Variants in PLXNB1 observed in about 807,000 individuals in gnomAD.
The protein encoded by PLXNB1 is plexin B1, also known as plexin-B1.
A neutral mutation model predicts 209.4 loss-of-function variants in PLXNB1; 106 were observed. The observed-to-expected ratio is 0.51, with a 90% CI of 0.43 to 0.59. PLXNB1 has a LOEUF of 0.59. Ranked by LOEUF, PLXNB1 falls within the 20% of genes least tolerant of loss-of-function variation. The probability of loss-of-function intolerance (pLI) is 0.00; values close to 1 mark genes in which losing one functional copy is unlikely to be tolerated. For synonymous variants in PLXNB1, 1,167 were observed against 1,183.2 expected (o/e 0.99, Z 0.28); for missense variants, 2,357 against 2,853.2 (o/e 0.83, Z 3.96).
rs2038121419 is a variant in PLXNB1, at chr3:48,416,639, GAATT to G, written c.3375-192_3375-189del. ...CACATCAGAAGGCCTTGGTATCTGA[GAATT>G]AATATTTGTGGCTTCAATCATTTAA... On this transcript the variant is annotated intron_variant, in intron 16 of 37. Coordinates refer to ENST00000296440, the MANE Select transcript of PLXNB1 (RefSeq NM_001130082.3). The surrounding 1 kb of genome is among the most constrained non-coding windows in gnomAD (Gnocchi z 4.1). 3 of 420,016 alleles carry G rather than the reference GAATT, an allele frequency of 7.1e-6. No homozygotes were observed. Among genetic ancestry groups the G allele is most frequent in the Non-Finnish European group, 8.4e-6 (2 of 239,218 alleles). 26.0% of individuals were successfully genotyped at this position (420,016 alleles called of 1,614,324 possible).
chr3:48,413,070 T>C lies in PLXNB1; in HGVS notation c.4635A>G (p.Thr1545=), dbSNP rs2037807688. The change falls in exon 24 of 38, where the codon ACA becomes ACG. Residue 1545 remains threonine, a splice_region_variant and synonymous_variant. Transcript: ENST00000296440. This position sits in a 1 kb window ranked among gnomAD's most constrained non-coding sequence, Gnocchi z 5.4. ...CGGGGCCCATTCTCTCAGCCACACCTGTGAATTCCTTCTTGCAGCGGTCCC... is the reference window on the plus strand; with the variant it reads ...CGGGGCCCATTCTCTCAGCCACACCCGTGAATTCCTTCTTGCAGCGGTCCC... ...SVRDRCKKEF[T]DLMTEMTDLT... is the part of the protein sequence containing the mutation. The C allele has an allele frequency of 1.2e-6, 2 of 1,613,334 alleles. No homozygotes were observed. Among genetic ancestry groups the C allele is most frequent in the Non-Finnish European group, 8.5e-7 (1 of 1,179,320 alleles).
At chr3:48,426,026 C>T (rs1001754384) in intron 1 of PLXNB1, among the ~76,000 whole-genome samples, 1 of 152,144 alleles carries the variant, frequency 6.6e-6, no homozygotes, top group African/African-American at 2.4e-5. Context: ...TAGACATACA[C>T]ACGCACACTC....
In PLXNB1 at chr3:48,413,473, T is replaced by A. The variant is rs984701475; in HGVS notation, c.4535+197A>T. On this transcript the variant is annotated intron_variant, in intron 23 of 37. Transcript: ENST00000296440. This position sits in a 1 kb window ranked among gnomAD's most constrained non-coding sequence, Gnocchi z 5.4. Reference sequence around the variant, plus strand: ...ACACAGCCACTTTCATGTGTTTCCATGTCGTCCCTGGCTGCCTTTGTGCCA... The same window carrying A: ...ACACAGCCACTTTCATGTGTTTCCAAGTCGTCCCTGGCTGCCTTTGTGCCA... 1.6e-6 allele frequency: 1 copy of A among 613,768 alleles called. No individual in the cohort carries two copies. Among genetic ancestry groups the A allele is most frequent in the East Asian group, 2.8e-5 (1 of 35,996 alleles). The allele number at this position is 613,768 out of a possible 1,614,324, so 38.0% of individuals were successfully genotyped here. A position where few individuals can be genotyped will look rare whatever the true frequency, so the allele number is the denominator to read the frequency against.
Position 48,411,766 on chromosome 3 carries a change from C to T in PLXNB1, c.5247+97G>A. The stretch of plus-strand genomic sequence containing the variant: ...AACCCAGCTCTACATCCAGGTACCA[C>T]ATCAGAAGCTGGTGTCCAGACCCCA... On this transcript the variant is annotated intron_variant, in intron 28 of 37. Coordinates refer to ENST00000296440, the MANE Select transcript of PLXNB1 (RefSeq NM_001130082.3). This position sits in a 1 kb window ranked among gnomAD's most constrained non-coding sequence, Gnocchi z 4.0. 2.9e-6 allele frequency: 4 copies of T among 1,384,622 alleles called. No homozygotes were observed. Among genetic ancestry groups the T allele is most frequent in the South Asian group, 1.3e-5 (1 of 76,604 alleles). 85.8% of individuals were successfully genotyped at this position (1,384,622 alleles called of 1,614,324 possible).
intron 6 of PLXNB1, 25 bp from the exon 7 acceptor site, chr3:48,421,831 C>G (rs747414337): frequency 1.3e-6 from 2 of 1,586,696 alleles, no homozygotes; most frequent in East Asian, 4.5e-5. Context: ...CAGTGTCTAT[C>G]TGTGACCCTC....
In PLXNB1 at chr3:48,403,932, C is replaced by CCTCA. The variant is rs2037160798; in HGVS notation, c.*550_*553dup. On this transcript the variant is annotated 3_prime_UTR_variant, in exon 38 of 38. Transcript: ENST00000296440. ...CCAAGACCCCCCTGCAGCAGATAGCCCTCACCATGGCTACCTATGAGGCAG... is the reference window on the plus strand; with the variant it reads ...CCAAGACCCCCCTGCAGCAGATAGCCCTCACTCACCATGGCTACCTATGAGGCAG... 6.5e-6 allele frequency: 1 copy of CCTCA among 154,058 alleles called. No individual in the cohort carries two copies. Among genetic ancestry groups the CCTCA allele is most frequent in the Admixed American group, 6.4e-5 (1 of 15,568 alleles). The allele number at this position is 154,058 out of a possible 1,614,324, so 9.5% of individuals were successfully genotyped here. A position where few individuals can be genotyped will look rare whatever the true frequency, so the allele number is the denominator to read the frequency against.
Position 48,409,221 on chromosome 3 carries a change from T to C in PLXNB1, c.6087+108A>G. On this transcript the variant is annotated intron_variant, in intron 34 of 37. Coordinates refer to ENST00000296440, the MANE Select transcript of PLXNB1 (RefSeq NM_001130082.3). The surrounding 1 kb of genome is among the most constrained non-coding windows in gnomAD (Gnocchi z 5.8). ...AAGCCTTGGCTTGGGAGGTCAGAGG[T>C]CTCCCCTAAGCCCTCCTTGAAGTTC... 7.6e-7 allele frequency: 1 copy of C among 1,309,066 alleles called. No individual in the cohort carries two copies. 81.1% of individuals were successfully genotyped at this position (1,309,066 alleles called of 1,614,324 possible).
At position 48,410,270 on chromosome 3, in the gene PLXNB1, A is replaced by T; in HGVS notation, c.5605+26T>A. ...TCCGGGCTGGGCACAGCAGGGGCAG[A>T]GGACCGTGATGGGAGCGGTACTCAC... is the stretch of plus-strand genomic sequence containing the variant. On this transcript the variant is annotated intron_variant, in intron 31 of 37. Transcript: ENST00000296440. This position sits in a 1 kb window ranked among gnomAD's most constrained non-coding sequence, Gnocchi z 6.4. 1 of 1,568,648 alleles carries T rather than the reference A, an allele frequency of 6.4e-7. No homozygotes were observed. The highest frequency in any genetic ancestry group is 8.7e-7 in the Non-Finnish European group (1 of 1,149,060).
Position 48,421,695 on chromosome 3 carries a change from G to A in PLXNB1, c.1632C>T (p.Ile544=). 6.2e-7 allele frequency: 1 copy of A among 1,606,876 alleles called. No individual in the cohort carries two copies. The highest frequency in any genetic ancestry group is 8.5e-7 in the Non-Finnish European group (1 of 1,174,306). ...LQVAAMSPAN[I]SREETREVFL... is the part of the protein sequence containing the mutation. ...TCACCTCCCTCGTCTCCTCTCGGCT[G>A]ATGTTGGCAGGACTCATGGCTGCCA... is the stretch of plus-strand genomic sequence containing the variant. Residue 544 remains isoleucine (I), a synonymous_variant, in exon 7 of 38, where the codon ATC becomes ATT. Coordinates refer to ENST00000296440, the MANE Select transcript of PLXNB1 (RefSeq NM_001130082.3).
chr3:48,428,436 T>C (rs1031878297), intron 1 of PLXNB1, among the ~76,000 whole-genome samples: 1 of 152,034 alleles, frequency 6.6e-6, no homozygotes, highest in African/African-American at 2.4e-5. Context: ...CTCTGAACCT[T>C]TTCAGGGGGC....
At position 48,409,192 on chromosome 3, in the gene PLXNB1, G is replaced by A. The variant is rs781091832; in HGVS notation, c.6087+137C>T. On this transcript the variant is annotated intron_variant, in intron 34 of 37. Coordinates refer to ENST00000296440, the MANE Select transcript of PLXNB1 (RefSeq NM_001130082.3). This position sits in a 1 kb window ranked among gnomAD's most constrained non-coding sequence, Gnocchi z 5.8. ...TCCCTTAAAACTGAGGTGGCCCCGGGATGAAGCCTTGGCTTGGGAGGTCAG... is the reference window on the plus strand; with the variant it reads ...TCCCTTAAAACTGAGGTGGCCCCGGAATGAAGCCTTGGCTTGGGAGGTCAG... 1.2e-5 allele frequency: 12 copies of A among 981,502 alleles called. No homozygotes were observed. The highest frequency in any genetic ancestry group is 1.6e-5 in the Non-Finnish European group (11 of 668,788). 60.8% of individuals were successfully genotyped at this position (981,502 alleles called of 1,614,324 possible).
intron 34 of PLXNB1, 57 bp from the exon 35 acceptor site, chr3:48,407,148 T>G (rs2037364253): frequency 6.7e-7 from 1 of 1,496,956 alleles, no homozygotes; most frequent in Non-Finnish European, 9.3e-7. Flanking sequence ...GGGTCCCTGT[T>G]CGAGTGATCA....
intron 1 of PLXNB1, among the ~76,000 whole-genome samples, chr3:48,428,822 C>G (rs1378000728): frequency 6.6e-6 from 1 of 151,772 alleles, no homozygotes; most frequent in African/African-American, 2.4e-5. Context: ...CCCCCCCACC[C>G]GCCCGGGGGT....
Position 48,415,278 on chromosome 3 carries a change from G to A in PLXNB1, c.3864C>T (p.Thr1288=), listed in dbSNP as rs997044538. 33 of 1,613,434 alleles carry A rather than the reference G, an allele frequency of 2.0e-5. No individual in the cohort carries two copies. The highest frequency in any genetic ancestry group is 2.4e-5 in the Non-Finnish European group (28 of 1,180,014). The change falls in exon 20 of 38, where the codon ACC becomes ACT. Residue 1288 remains threonine (T), a synonymous_variant. Coordinates refer to ENST00000296440, the MANE Select transcript of PLXNB1 (RefSeq NM_001130082.3). This position sits in a 1 kb window ranked among gnomAD's most constrained non-coding sequence, Gnocchi z 5.0. The stretch of plus-strand genomic sequence containing the variant: ...TGGGCTGCAGCATTCTCGAGACCAC[G>A]GTCACCCGGATTCTTGGCGTCTGTA... ...DVVQTPRIRV[T]VVSRMLQPSQ...
At chr3:48,425,106 C>G (rs1286663583) in intron 2 of PLXNB1, among the ~76,000 whole-genome samples, 175 bp downstream of exon 2, 1 of 152,214 alleles carries the variant, frequency 6.6e-6, no homozygotes, top group Non-Finnish European at 1.5e-5. Flanking sequence ...GGTGCAGGGC[C>G]TTTCAGGCCA....
At chr3:48,412,690 C>G in intron 25 of PLXNB1, 52 bp downstream of exon 25, 1 of 1,606,132 alleles carries the variant, frequency 6.2e-7, no homozygotes, top group South Asian at 1.1e-5. Context: ...AAACCATGCC[C>G]TGGAGAAGGG....
intron 34 of PLXNB1, 131 bp from the exon 35 acceptor site, chr3:48,407,222 C>A (rs138777977): frequency 3.8e-6 from 3 of 795,198 alleles, no homozygotes; most frequent in Admixed American, 2.3e-5. Flanking sequence ...TCCCAGGAAG[C>A]CCCTGAGTCC....
chr3:48,410,191 C>G lies in PLXNB1; in HGVS notation c.5605+105G>C, dbSNP rs949559742. The G allele has an allele frequency of 4.1e-6, 6 of 1,452,660 alleles. No individual in the cohort carries two copies. The highest frequency in any genetic ancestry group is 3.7e-6 in the Non-Finnish European group (4 of 1,074,132). 90.0% of individuals were successfully genotyped at this position (1,452,660 alleles called of 1,614,324 possible). A position where few individuals can be genotyped will look rare whatever the true frequency, so the allele number is the denominator to read the frequency against. On this transcript the variant is annotated intron_variant, in intron 31 of 37. Coordinates refer to ENST00000296440, the MANE Select transcript of PLXNB1 (RefSeq NM_001130082.3). The surrounding 1 kb of genome is among the most constrained non-coding windows in gnomAD (Gnocchi z 6.4). ...CACCTGGTTGAGGGATTTCCTGGGC[C>G]GAATGGAAATAGGCACAAGCCTGCC...
chr3:48,415,465 C>T lies in PLXNB1; in HGVS notation c.3794+118G>A, dbSNP rs897760671. The T allele has an allele frequency of 2.1e-6, 3 of 1,406,708 alleles. No individual in the cohort carries two copies. The highest frequency in any genetic ancestry group is 2.9e-6 in the Non-Finnish European group (3 of 1,030,270). 87.1% of individuals were successfully genotyped at this position (1,406,708 alleles called of 1,614,324 possible). ...AGCCCCAAACCACACGACCCCTTGCCCCTACTAGCAGCATGGGATTCTCAG... is the reference window on the plus strand; with the variant it reads ...AGCCCCAAACCACACGACCCCTTGCTCCTACTAGCAGCATGGGATTCTCAG... On this transcript the variant is annotated intron_variant, in intron 19 of 37. Coordinates refer to ENST00000296440, the MANE Select transcript of PLXNB1 (RefSeq NM_001130082.3). This position sits in a 1 kb window ranked among gnomAD's most constrained non-coding sequence, Gnocchi z 5.0.
Sources: gnomAD v4.1 joint callset for allele counts (sites outside exome capture counted in the v4.1 genomes callset) on GRCh38, gnomAD v4.1.1 for gene constraint, Gnocchi (gnomAD v3.1) non-coding constraint, MANE v1.5 for transcripts, NCBI Gene and HGNC (gene_info 2026-07-23, HGNC 2026-07-21) for gene names.